ZSWIM9: variants seen among roughly 807,000 people sequenced by gnomAD.
ZSWIM9 encodes the protein uncharacterized protein ZSWIM9.
ZSWIM9 carries 11 observed loss-of-function variants against 25.0 expected under a neutral mutation model. That is an observed-to-expected ratio of 0.44 (90% CI 0.28 to 0.73). ZSWIM9 has a LOEUF of 0.73. ZSWIM9 is among the 30% of genes least tolerant of loss of function. The pLI, the probability that ZSWIM9 is intolerant of heterozygous loss-of-function variation, is 0.16. For synonymous variants in ZSWIM9, 562 were observed against 582.1 expected (o/e 0.97, Z 0.50); for missense variants, 1,070 against 1,296.5 (o/e 0.83, Z 2.68).
Position 48,194,723 on chromosome 19 carries a change from C to A in ZSWIM9, c.659C>A (p.Ala220Glu). Residue 220 changes from alanine (A) to glutamate (E), a missense_variant, in exon 4 of 4, where the codon GCG (alanine) becomes GAG (glutamate). Ala to Glu is a moderately radical substitution (Grantham distance 107). Transcript: ENST00000614654. The surrounding 1 kb of genome is among the most constrained non-coding windows in gnomAD (Gnocchi z 6.0). Reference sequence around the variant, plus strand: ...TTCTTCCTGACGTCGCGCACCAGGGCGCTGCTGCGGCGCTTCCCTCGCATG... The same window carrying A: ...TTCTTCCTGACGTCGCGCACCAGGGAGCTGCTGCGGCGCTTCCCTCGCATG... ...TVFFLTSRTRALLRRFPRMLL... is the reference protein window; with the variant it reads ...TVFFLTSRTRELLRRFPRMLL... The A allele has an allele frequency of 2.0e-6, 3 of 1,531,960 alleles. No individual in the cohort carries two copies. The highest frequency in any genetic ancestry group is 2.6e-6 in the Non-Finnish European group (3 of 1,144,866). The allele number at this position is 1,531,960 out of a possible 1,614,324, so 94.9% of individuals were successfully genotyped here.
Position 48,197,025 on chromosome 19 carries a change from C to T in ZSWIM9, c.*198C>T, listed in dbSNP as rs1209554726. On this transcript the variant is annotated 3_prime_UTR_variant, in exon 4 of 4. Transcript: ENST00000614654. ...TAAGTGGTCTCTGAGGTCCTGGAGCCACAGCTTGGGAAGGTGTTGATGGGC... is the reference window on the plus strand; with the variant it reads ...TAAGTGGTCTCTGAGGTCCTGGAGCTACAGCTTGGGAAGGTGTTGATGGGC... 7.2e-6 allele frequency: 4 copies of T among 558,250 alleles called. No homozygotes were observed. The highest frequency in any genetic ancestry group is 1.2e-5 in the Non-Finnish European group (4 of 327,444). The allele number at this position is 558,250 out of a possible 1,614,324, so 34.6% of individuals were successfully genotyped here. A position where few individuals can be genotyped will look rare whatever the true frequency, so the allele number is the denominator to read the frequency against.
rs1427855027 is a variant in ZSWIM9 at position 48,197,495 on chromosome 19, C to T, written c.*668C>T. The T allele has an allele frequency of 8.9e-6, 5 of 558,774 alleles. No homozygotes were observed. The highest frequency in any genetic ancestry group is 3.1e-5 in the Admixed American group (1 of 32,630). 34.6% of individuals were successfully genotyped at this position (558,774 alleles called of 1,614,324 possible). ...GTTTTTCTCCAAGACCTGGAGACAT[C>T]GACCCCCATCGCCTTCTGAAGAGAG... is the stretch of plus-strand genomic sequence containing the variant. On this transcript the variant is annotated 3_prime_UTR_variant, in exon 4 of 4. Coordinates refer to ENST00000614654, the MANE Select transcript of ZSWIM9 (RefSeq NM_199341.4).
At chr19:48,180,750 T>C (rs1599925051) in intron 2 of ZSWIM9, 2 of 149,748 alleles carry the variant, frequency 1.3e-5, no homozygotes. Context: ...TTTTTTTCTT[T>C]TTTCTTTTTT....
chr19:48,184,460 C>T (rs566368624), intron 3 of ZSWIM9, among the ~76,000 whole-genome samples: 1 of 152,210 alleles, frequency 6.6e-6, no homozygotes, highest in African/African-American at 2.4e-5. Context: ...GGTTTCTCCT[C>T]CTGGCTGTGC....
chr19:48,178,954 A>C (rs2036921064), intron 2 of ZSWIM9, among the ~76,000 whole-genome samples: 1 of 152,178 alleles, frequency 6.6e-6, no homozygotes, highest in Admixed American at 6.5e-5. Flanking sequence ...CTTCGTTTGC[A>C]ATATAGCAAC....
intron 3 of ZSWIM9, among the ~76,000 whole-genome samples, chr19:48,191,200 GTTGT>G (rs202168785): frequency 0.031 from 4,762 of 151,226 alleles, 235 homozygotes; most frequent in African/African-American, 0.11. Context: ...TTTTGTTGTT[GTTGT>G]TTGTTTGTTT....
In ZSWIM9 at chr19:48,194,511, G is replaced by A; in HGVS notation, c.589-142G>A. 1 of 885,990 alleles carries A rather than the reference G, an allele frequency of 1.1e-6. No homozygotes were observed. The highest frequency in any genetic ancestry group is 1.5e-6 in the Non-Finnish European group (1 of 646,564). 54.9% of individuals were successfully genotyped at this position (885,990 alleles called of 1,614,324 possible). A position where few individuals can be genotyped will look rare whatever the true frequency, so the allele number is the denominator to read the frequency against. ...CATTTCCCTGCACTGCCTCCTGCCG[G>A]TCAAAAGAATAAATGCATATGCAGG... On this transcript the variant is annotated intron_variant, in intron 3 of 3. Coordinates refer to ENST00000614654, the MANE Select transcript of ZSWIM9 (RefSeq NM_199341.4). The surrounding 1 kb of genome is among the most constrained non-coding windows in gnomAD (Gnocchi z 6.0).
At chr19:48,181,079 T>C (rs1223895762) in intron 2 of ZSWIM9, 1 of 151,964 alleles carries the variant, frequency 6.6e-6, no homozygotes, top group East Asian at 1.9e-4. Flanking sequence ...TGAGCCACCA[T>C]GCCTGGCCAA....
In ZSWIM9 at chr19:48,196,570, G is replaced by A. The variant is rs1192891777; in HGVS notation, c.2506G>A (p.Asp836Asn). The A allele has an allele frequency of 1.5e-5, 19 of 1,232,466 alleles. No individual in the cohort carries two copies. Among genetic ancestry groups the A allele is most frequent in the Non-Finnish European group, 1.8e-5 (18 of 988,354 alleles). 76.3% of individuals were successfully genotyped at this position (1,232,466 alleles called of 1,614,324 possible). A position where few individuals can be genotyped will look rare whatever the true frequency, so the allele number is the denominator to read the frequency against. Residue 836 changes from aspartate to asparagine, a missense_variant, in exon 4 of 4, where the codon GAC becomes AAC. Physicochemically the swap from Asp to Asn is conservative, Grantham distance 23. Transcript: ENST00000614654. ...FRAACGPELADLVAEELAFAR... is the reference protein window; with the variant it reads ...FRAACGPELANLVAEELAFAR... ...AGCAGCCTGCGGGCCAGAGCTGGCAGACCTGGTGGCTGAGGAGTTGGCCTT... is the reference window on the plus strand; with the variant it reads ...AGCAGCCTGCGGGCCAGAGCTGGCAAACCTGGTGGCTGAGGAGTTGGCCTT...
chr19:48,178,497 A>G (rs1412172975), intron 2 of ZSWIM9, among the ~76,000 whole-genome samples: 1 of 152,078 alleles, frequency 6.6e-6, no homozygotes, highest in Non-Finnish European at 1.5e-5. Context: ...TCTTAACTAC[A>G]TACCAGGCCC....
In ZSWIM9 at chr19:48,194,924, G is replaced by T. The variant is rs1409742066; in HGVS notation, c.860G>T (p.Gly287Val). 7.6e-7 allele frequency: 1 copy of T among 1,317,724 alleles called. No homozygotes were observed. The allele number at this position is 1,317,724 out of a possible 1,614,324, so 81.6% of individuals were successfully genotyped here. ...SLLQSAPDVK[G>V]RVRCLTAGPE... Reference sequence around the variant, plus strand: ...CTGCAGAGCGCGCCAGACGTCAAGGGCCGCGTGCGCTGCCTCACCGCCGGG... The same window carrying T: ...CTGCAGAGCGCGCCAGACGTCAAGGTCCGCGTGCGCTGCCTCACCGCCGGG... Residue 287 changes from glycine (G) to valine (V), a missense_variant, in exon 4 of 4, where the codon GGC becomes GTC. By Grantham distance (109) the Gly-to-Val change is moderately radical. This residue lies in a region of ZSWIM9 where 184 missense variants were observed against 243.1 expected (regional missense o/e 0.76). Transcript: ENST00000614654. The surrounding 1 kb of genome is among the most constrained non-coding windows in gnomAD (Gnocchi z 6.0).
At chr19:48,174,365 T>C (rs2036871714) in intron 2 of ZSWIM9, among the ~76,000 whole-genome samples, 1 of 152,044 alleles carries the variant, frequency 6.6e-6, no homozygotes, top group African/African-American at 2.4e-5. Context: ...TGTGAGATCA[T>C]ACATGAGAAA....
Position 48,195,738 on chromosome 19 carries a change from C to T in ZSWIM9, c.1674C>T (p.Asp558=). 2.7e-6 allele frequency: 4 copies of T among 1,478,618 alleles called. No individual in the cohort carries two copies. The highest frequency in any genetic ancestry group is 3.6e-6 in the Non-Finnish European group (4 of 1,121,976). The allele number at this position is 1,478,618 out of a possible 1,614,324, so 91.6% of individuals were successfully genotyped here. The stretch of plus-strand genomic sequence containing the variant: ...ACCTGAGAGGGCCAGAGATTAGAGA[C>T]TGGAGGGGGCCCCAGTTGGAGGGTG... ...KGHLRGPEIR[D]WRGPQLEGEK... Residue 558 remains aspartate, a synonymous_variant, in exon 4 of 4, where the codon GAC becomes GAT. Transcript: ENST00000614654. This position sits in a 1 kb window ranked among gnomAD's most constrained non-coding sequence, Gnocchi z 5.8.
chr19:48,191,092 ATGTGTGTG>A (rs940221946), intron 3 of ZSWIM9, among the ~76,000 whole-genome samples: 360 of 96,538 alleles, frequency 3.7e-3, no homozygotes, highest in African/African-American at 0.01. Context: ...GTGTATGTGT[ATGTGTGTG>A]TGTGTGTGTG....
chr19:48,196,960 C>T lies in ZSWIM9; in HGVS notation c.*133C>T. 1.0e-6 allele frequency: 1 copy of T among 960,254 alleles called. No homozygotes were observed. Among genetic ancestry groups the T allele is most frequent in the Non-Finnish European group, 1.4e-6 (1 of 711,856 alleles). 59.5% of individuals were successfully genotyped at this position (960,254 alleles called of 1,614,324 possible). On this transcript the variant is annotated 3_prime_UTR_variant, in exon 4 of 4. Transcript: ENST00000614654. The stretch of plus-strand genomic sequence containing the variant: ...CACCTTCTGGGTCATCCAGGGACCT[C>T]CTCATGGCAGTTTGCCTCTCTGGGT...
chr19:48,187,578 T>TATTATATAATATAATA (rs2037043664), intron 3 of ZSWIM9: 1 of 60,708 alleles, frequency 1.6e-5, no homozygotes, highest in Admixed American at 3.2e-4. Flanking sequence ...ATTATATATA[T>TATTATATAATATAATA]TATATATTAT....
rs1170238464 is a variant in ZSWIM9 at position 48,182,370 on chromosome 19, G to GT, written c.276-82dup. 2.1e-5 allele frequency: 22 copies of GT among 1,031,870 alleles called. No individual in the cohort carries two copies. Among genetic ancestry groups the GT allele is most frequent in the South Asian group, 1.2e-4 (7 of 59,682 alleles). 63.9% of individuals were successfully genotyped at this position (1,031,870 alleles called of 1,614,324 possible). A position where few individuals can be genotyped will look rare whatever the true frequency, so the allele number is the denominator to read the frequency against. On this transcript the variant is annotated intron_variant, in intron 2 of 3. Transcript: ENST00000614654. This position sits in a 1 kb window ranked among gnomAD's most constrained non-coding sequence, Gnocchi z 4.6. ...TTCTCTATGCCTGAAACAATTCTTA[G>GT]TTTAAAAAAAAAAAAAAGGTGAGTG...
At chr19:48,191,120 GTGTGTGCAGAATGGGTAGA>G (rs1264101618) in intron 3 of ZSWIM9, among the ~76,000 whole-genome samples, 6 of 151,426 alleles carry the variant, frequency 4.0e-5, no homozygotes, top group Non-Finnish European at 7.4e-5. Flanking sequence ...GTGTGTGTGT[GTGTGTGCAGAATGGGTAGA>G]ACCGTGCCCA....
chr19:48,197,502 C>T lies in ZSWIM9; in HGVS notation c.*675C>T, dbSNP rs1209500362. The T allele has an allele frequency of 3.8e-6, 2 of 530,694 alleles. No individual in the cohort carries two copies. The highest frequency in any genetic ancestry group is 6.3e-5 in the East Asian group (2 of 31,710). 32.9% of individuals were successfully genotyped at this position (530,694 alleles called of 1,614,324 possible). A position where few individuals can be genotyped will look rare whatever the true frequency, so the allele number is the denominator to read the frequency against. ...TCCAAGACCTGGAGACATCGACCCC[C>T]ATCGCCTTCTGAAGAGAGAGGGAGG... is the stretch of plus-strand genomic sequence containing the variant. On this transcript the variant is annotated 3_prime_UTR_variant, in exon 4 of 4. Coordinates refer to ENST00000614654, the MANE Select transcript of ZSWIM9 (RefSeq NM_199341.4).
Sources: allele counts gnomAD v4.1 joint callset (sites outside exome capture counted in the v4.1 genomes callset), GRCh38; gene constraint gnomAD v4.1.1; regional missense constraint gnomAD v4.1.1; non-coding constraint Gnocchi (gnomAD v3.1); transcripts MANE v1.5; gene names NCBI Gene and HGNC (gene_info 2026-07-23, HGNC 2026-07-21).